ESPN: variants seen among roughly 807,000 people sequenced by gnomAD.
The protein encoded by ESPN is espin.
A neutral mutation model predicts 77.7 loss-of-function variants in ESPN; 68 were observed. The observed-to-expected ratio is 0.87, with a 90% CI of 0.72 to 1.07. The LOEUF (loss-of-function observed/expected upper bound fraction) is 1.07, where lower values mean the gene tolerates loss of function less well. Ranked by LOEUF, ESPN falls within the 50% of genes least tolerant of loss-of-function variation. The probability of loss-of-function intolerance (pLI) is 0.00; values close to 1 mark genes in which losing one functional copy is unlikely to be tolerated. For missense variants in ESPN, 1,060 were observed against 1,239.0 expected (o/e 0.86, Z 2.17); for synonymous variants, 449 against 567.1 (o/e 0.79, Z 2.96).
chr1:6,448,830 G>T lies in ESPN; in HGVS notation c.1654G>T (p.Gly552Cys), dbSNP rs1425400478. Reference protein sequence around the residue: ...EVRARQPARAGCPRLGPAARG... With the variant: ...EVRARQPARACCPRLGPAARG... Reference sequence around the variant, plus strand: ...GCGTGCCCGCCAGCCCGCGCGCGCCGGCTGCCCGCGCCTCGGCCCTGCCGC... The same window carrying T: ...GCGTGCCCGCCAGCCCGCGCGCGCCTGCTGCCCGCGCCTCGGCCCTGCCGC... The change falls in exon 8 of 13, where the codon GGC (glycine) becomes TGC (cysteine). Residue 552 changes from glycine to cysteine, a missense_variant. Transcript: ENST00000645284. 1.9e-5 allele frequency: 24 copies of T among 1,237,030 alleles called. No individual in the cohort carries two copies. Among genetic ancestry groups the T allele is most frequent in the Admixed American group, 4.4e-5 (1 of 22,976 alleles). 76.6% of individuals were successfully genotyped at this position (1,237,030 alleles called of 1,614,324 possible).
chr1:6,451,997 G>A lies in ESPN; in HGVS notation c.2226G>A (p.Thr742=), dbSNP rs778712667. 53 of 1,606,182 alleles carry A rather than the reference G, an allele frequency of 3.3e-5. No individual in the cohort carries two copies. In the Admixed American group the frequency reaches 3.7e-4, roughly 11 times the overall value. The change falls in exon 10 of 13, where the codon ACG becomes ACA. Residue 742 remains threonine, a synonymous_variant. Transcript: ENST00000645284. The surrounding 1 kb of genome is among the most constrained non-coding windows in gnomAD (Gnocchi z 4.3). The stretch of plus-strand genomic sequence containing the variant: ...TGGACGTGGAGGCTCTCATCCCCAC[G>A]CACGATGAGCAGGGCCGGCCCATCC... ...VQLDVEALIP[T]HDEQGRPIPE...
intron 5 of ESPN, among the ~76,000 whole-genome samples, chr1:6,442,269 A>G (rs1643664390): frequency 6.6e-6 from 1 of 152,196 alleles, no homozygotes; most frequent in African/African-American, 2.4e-5. Flanking sequence ...TACTCTTCAC[A>G]GTACATTAAA....
intron 10 of ESPN, chr1:6,456,455 T>G: frequency 7.0e-6 from 2 of 286,130 alleles, no homozygotes; most frequent in Non-Finnish European, 1.3e-5. Context: ...TGCTGAGCTC[T>G]GTGTGGAGCC....
chr1:6,457,422 G>C (rs752938674), intron 12 of ESPN, 50 bp downstream of exon 12: 1 of 1,613,734 alleles, frequency 6.2e-7, no homozygotes, highest in Non-Finnish European at 8.5e-7. Context: ...CACCCAAGTC[G>C]CAGAGGGTCG....
chr1:6,449,504 G>A (rs1296158534), intron 8 of ESPN, among the ~76,000 whole-genome samples: 1 of 152,218 alleles, frequency 6.6e-6, no homozygotes, highest in Non-Finnish European at 1.5e-5. Context: ...CAGCTTCAGA[G>A]AGGCCCCGCA....
At chr1:6,425,917 A>T (rs763943294) in intron 1 of ESPN, among the ~76,000 whole-genome samples, 3 of 152,240 alleles carry the variant, frequency 2.0e-5, no homozygotes, top group Non-Finnish European at 4.4e-5. Context: ...AGGCACAGGG[A>T]ACAAGAAGTG....
At chr1:6,457,118 C>T in intron 10 of ESPN, 66 bp from the exon 11 acceptor site, 2 of 1,484,336 alleles carry the variant, frequency 1.3e-6, no homozygotes, top group South Asian at 1.2e-5. Flanking sequence ...CTTCAGGTCC[C>T]GAGGTTGAGG....
rs1202697461 is a variant in ESPN, at chr1:6,440,653, G to C, written c.703G>C (p.Glu235Gln). Reference sequence around the variant, plus strand: ...GAGCTGCACCGACGTGAGCCTGTCCGAGCAGGACAAAGACGGCGCCACCGC... The same window carrying C: ...GAGCTGCACCGACGTGAGCCTGTCCCAGCAGGACAAAGACGGCGCCACCGC... ...LVSCTDVSLS[E>Q]QDKDGATAMH... Residue 235 changes from glutamate to glutamine, a missense_variant, in exon 4 of 13, where the codon GAG becomes CAG. Glu to Gln is a conservative substitution (Grantham distance 29). This residue lies in a region of ESPN where 556 missense variants were observed against 633.6 expected (regional missense o/e 0.88). Transcript: ENST00000645284. 15 of 1,334,750 alleles carry C rather than the reference G, an allele frequency of 1.1e-5. No individual in the cohort carries two copies. Among genetic ancestry groups the C allele is most frequent in the Non-Finnish European group, 1.5e-5 (15 of 1,019,852 alleles). The allele number at this position is 1,334,750 out of a possible 1,614,324, so 82.7% of individuals were successfully genotyped here.
At chr1:6,434,861 AG>A (rs1643378598) in intron 2 of ESPN, among the ~76,000 whole-genome samples, 2 of 152,084 alleles carry the variant, frequency 1.3e-5, no homozygotes, top group African/African-American at 4.8e-5. Context: ...GGTGTCTTTG[AG>A]GAGAGGAGAG....
chr1:6,459,625 C>T (rs1018426750), intron 12 of ESPN, among the ~76,000 whole-genome samples: 13 of 152,146 alleles, frequency 8.5e-5, no homozygotes, highest in African/African-American at 3.1e-4. Flanking sequence ...AGCCCCACCC[C>T]AGTCCTCAAT....
rs963204952 is a variant in ESPN, at chr1:6,458,765, T to C, written c.2418-1234T>C. On this transcript the variant is annotated intron_variant, in intron 12 of 12. Transcript: ENST00000645284. ...GGCCAACATGGTGAAACCCTGTCTCTACTAAAAATATAAAAATTAGGTGGT... is the reference window on the plus strand; with the variant it reads ...GGCCAACATGGTGAAACCCTGTCTCCACTAAAAATATAAAAATTAGGTGGT... 6.1e-4 allele frequency among the ~76,000 whole-genome samples: 91 copies of C among 148,822 alleles called. 1 individual carries two copies. Among genetic ancestry groups the C allele is most frequent in the Non-Finnish European group, 6.5e-4 (44 of 67,312 alleles).
chr1:6,424,965 G>T lies in ESPN; in HGVS notation c.10G>T (p.Glu4Ter). Residue 4 changes from glutamate (E) to a stop codon, truncating the protein, a stop_gained, in exon 1 of 13, where the codon GAG (glutamate) becomes TAG (stop). Transcript: ENST00000645284. LOFTEE classifies it high-confidence loss of function. The part of the protein sequence containing the change: MAL[E>*]QALQAARQGE... ...CGCCGCACGCGGCACCATGGCCCTG[G>T]AGCAGGCGCTGCAGGCGGCGCGGCA... is the stretch of plus-strand genomic sequence containing the variant. 2.7e-6 allele frequency: 4 copies of T among 1,455,528 alleles called. No homozygotes were observed. The highest frequency in any genetic ancestry group is 3.6e-6 in the Non-Finnish European group (4 of 1,108,472). 90.2% of individuals were successfully genotyped at this position (1,455,528 alleles called of 1,614,324 possible).
In ESPN at chr1:6,424,962, CT is replaced by C; in HGVS notation, c.8del (p.Leu3ArgfsTer16). On this transcript the variant is annotated frameshift_variant, in exon 1 of 13. Coordinates refer to ENST00000645284, the MANE Select transcript of ESPN (RefSeq NM_031475.3). LOFTEE classifies it high-confidence loss of function. ...CGGCGCCGCACGCGGCACCATGGCC[CT>C]GGAGCAGGCGCTGCAGGCGGCGCGG... MA[L>X]EQALQAARQG... is the part of the protein sequence containing the mutation. 1 of 1,454,246 alleles carries C rather than the reference CT, an allele frequency of 6.9e-7. No homozygotes were observed. The highest frequency in any genetic ancestry group is 9.0e-7 in the Non-Finnish European group (1 of 1,107,828). The allele number at this position is 1,454,246 out of a possible 1,614,324, so 90.1% of individuals were successfully genotyped here.
chr1:6,448,879 C>G lies in ESPN; in HGVS notation c.1703C>G (p.Ser568Cys). 7.6e-7 allele frequency: 1 copy of G among 1,316,284 alleles called. No individual in the cohort carries two copies. The highest frequency in any genetic ancestry group is 9.6e-7 in the Non-Finnish European group (1 of 1,038,652). 81.5% of individuals were successfully genotyped at this position (1,316,284 alleles called of 1,614,324 possible). ...PAARGSLEGP[S>C]APPQAALLPG... Reference sequence around the variant, plus strand: ...GCCCGCGGCTCACTCGAAGGCCCCTCCGCTCCCCCGCAGGCGGCGCTGCTT... The same window carrying G: ...GCCCGCGGCTCACTCGAAGGCCCCTGCGCTCCCCCGCAGGCGGCGCTGCTT... Residue 568 changes from serine to cysteine, a missense_variant, in exon 8 of 13, where the codon TCC (serine) becomes TGC (cysteine). Around this residue, in one of 3 missense-constraint regions of ESPN, gnomAD observed 130 missense variants for 223.9 expected, o/e 0.58. Coordinates refer to ENST00000645284, the MANE Select transcript of ESPN (RefSeq NM_031475.3).
intron 3 of ESPN, 24 bp from the exon 4 acceptor site, chr1:6,440,602 C>CCCAAA: frequency 1.6e-6 from 2 of 1,256,468 alleles, no homozygotes; most frequent in Non-Finnish European, 1.1e-6. Flanking sequence ...CCCCCGCCCC[C>CCCAAA]CTCTCCCCGC....
intron 3 of ESPN, 37 bp from the exon 4 acceptor site, chr1:6,440,589 C>T (rs1394688502): frequency 2.8e-6 from 3 of 1,072,546 alleles, no homozygotes; most frequent in South Asian, 2.8e-5. Flanking sequence ...GCCTGGCGCC[C>T]AGCCCCCGCC....
At chr1:6,458,372 G>C (rs1057282448) in intron 12 of ESPN, among the ~76,000 whole-genome samples, 4 of 150,750 alleles carry the variant, frequency 2.7e-5, no homozygotes, top group Non-Finnish European at 4.4e-5. Flanking sequence ...CTGGAGTACA[G>C]TGGCACAATC....
In ESPN at chr1:6,450,021, T is replaced by C. The variant is rs1643917668; in HGVS notation, c.1915+930T>C. Among the ~76,000 whole-genome samples the C allele has an allele frequency of 6.6e-6, 1 of 152,114 alleles. No homozygotes were observed. The highest frequency in any genetic ancestry group is 2.4e-5 in the African/African-American group (1 of 41,426). On this transcript the variant is annotated intron_variant, in intron 8 of 12. Transcript: ENST00000645284. This position sits in a 1 kb window ranked among gnomAD's most constrained non-coding sequence, Gnocchi z 4.3. ...CCCAGCCCCTGCAGACCAGAGCCCATGTAAGCAAGTCCAGCACCTGCCGAA... is the reference window on the plus strand; with the variant it reads ...CCCAGCCCCTGCAGACCAGAGCCCACGTAAGCAAGTCCAGCACCTGCCGAA...
At chr1:6,461,286 G>A (rs944710666), downstream of ESPN, 43 of 1,004,016 alleles carry the variant, frequency 4.3e-5, no homozygotes, top group Middle Eastern at 4.0e-4. The surrounding 1 kb of genome is among the most constrained non-coding windows in gnomAD (Gnocchi z 6.3). Flanking sequence ...AGCGATAGGG[G>A]CGAGCAGGGG....
Sources: allele counts gnomAD v4.1 joint callset (sites outside exome capture counted in the v4.1 genomes callset), GRCh38; gene constraint gnomAD v4.1.1; regional missense constraint gnomAD v4.1.1; non-coding constraint Gnocchi (gnomAD v3.1); transcripts MANE v1.5; gene names NCBI Gene and HGNC (gene_info 2026-07-23, HGNC 2026-07-21).